Variants in DACH1 observed in about 807,000 individuals in gnomAD.
The protein encoded by DACH1 is dachshund homolog 1.
In DACH1, 12 loss-of-function variants were observed where a neutral mutation model predicts 54.2. The observed-to-expected ratio is 0.22, with a 90% CI of 0.14 to 0.36. The LOEUF (loss-of-function observed/expected upper bound fraction) is 0.36, where lower values mean the gene tolerates loss of function less well. Ranked by LOEUF, DACH1 falls within the 10% of genes least tolerant of loss-of-function variation. The probability of loss-of-function intolerance (pLI) is 1.00; values close to 1 mark genes in which losing one functional copy is unlikely to be tolerated. For missense variants in DACH1, 805 were observed against 929.8 expected (o/e 0.87, Z 1.75); for synonymous variants, 386 against 366.2 (o/e 1.05, Z -0.62).
chr13:71,598,933 TTTTG>T (rs1874302904), intron 3 of DACH1, among the ~76,000 whole-genome samples: 1 of 152,154 alleles, frequency 6.6e-6, no homozygotes, highest in Non-Finnish European at 1.5e-5. Flanking sequence ...TATTTTTATA[TTTTG>T]TTTATTCTCA....
At chr13:71,493,159 C>T (rs1410729258) in intron 6 of DACH1, among the ~76,000 whole-genome samples, 1 of 151,822 alleles carries the variant, frequency 6.6e-6, no homozygotes, top group African/African-American at 2.4e-5. Flanking sequence ...ATACAACAAA[C>T]ATGAGATGTC....
At chr13:71,704,725 A>G (rs78647593) in intron 1 of DACH1, 6,075 of 170,614 alleles carry the variant, frequency 0.036, 384 homozygotes, top group African/African-American at 0.14. Context: ...GAGTAGAAGT[A>G]TGGCGTCCCC....
chr13:71,506,059 T>C (rs1880293341), intron 6 of DACH1, among the ~76,000 whole-genome samples: 1 of 152,058 alleles, frequency 6.6e-6, no homozygotes, highest in Admixed American at 6.6e-5. Flanking sequence ...AAAATTTAAA[T>C]AAATACAACT....
chr13:71,727,343 ACTTT>A (rs1883517936), intron 1 of DACH1, among the ~76,000 whole-genome samples: 1 of 151,820 alleles, frequency 6.6e-6, no homozygotes, highest in Non-Finnish European at 1.5e-5. Context: ...ATTCACACAA[ACTTT>A]CTTCCAAATG....
At chr13:71,809,527 G>A (rs937959392) in intron 1 of DACH1, among the ~76,000 whole-genome samples, 5 of 152,096 alleles carry the variant, frequency 3.3e-5, no homozygotes, top group African/African-American at 7.2e-5. Context: ...TGAAAATGGT[G>A]CCACAAATTA....
chr13:71,815,465 C>T (rs941423973), intron 1 of DACH1, among the ~76,000 whole-genome samples: 6 of 152,024 alleles, frequency 3.9e-5, no homozygotes, highest in African/African-American at 1.2e-4. Flanking sequence ...TGAAATAACA[C>T]ATTTTCAAAC....
intron 3 of DACH1, among the ~76,000 whole-genome samples, chr13:71,599,534 T>C (rs528205127): frequency 5.3e-5 from 8 of 152,230 alleles, no homozygotes; most frequent in Middle Eastern, 3.4e-3. Context: ...CAAAGCTATA[T>C]TGTCCACTTC....
At chr13:71,715,940 A>C (rs1401340002) in intron 1 of DACH1, among the ~76,000 whole-genome samples, 2 of 152,060 alleles carry the variant, frequency 1.3e-5, no homozygotes, top group Non-Finnish European at 2.9e-5. Context: ...TGAGTTTGAA[A>C]TCTATCTTTC....
intron 3 of DACH1, among the ~76,000 whole-genome samples, chr13:71,574,338 C>T (rs1885403860): frequency 6.6e-6 from 1 of 152,046 alleles, no homozygotes; most frequent in South Asian, 2.1e-4. Context: ...TTAACTGAAT[C>T]TGTTGAAAAT....
chr13:71,571,730 CTT>C (rs756352766), intron 4 of DACH1, among the ~76,000 whole-genome samples: 6 of 134,950 alleles, frequency 4.4e-5, no homozygotes, highest in African/African-American at 1.4e-4. Context: ...GTAACAGGGC[CTT>C]TTTTTTTTTT....
At chr13:71,700,143 G>A (rs993953173) in intron 1 of DACH1, among the ~76,000 whole-genome samples, 7 of 152,206 alleles carry the variant, frequency 4.6e-5, no homozygotes, top group Non-Finnish European at 7.4e-5. Context: ...TTGGACACAC[G>A]TTGGCATCCT....
intron 3 of DACH1, among the ~76,000 whole-genome samples, chr13:71,599,845 A>ACG (rs1262135043): frequency 2.6e-5 from 4 of 151,374 alleles, no homozygotes; most frequent in Admixed American, 6.6e-5. Flanking sequence ...ACACACACAC[A>ACG]CACACACACG....
At chr13:71,860,710 A>G (rs114921668) in intron 1 of DACH1, among the ~76,000 whole-genome samples, 11 of 151,936 alleles carry the variant, frequency 7.2e-5, no homozygotes, top group Non-Finnish European at 1.6e-4. Flanking sequence ...GTTGTTTTCT[A>G]TGTTGCTCAT....
intron 1 of DACH1, among the ~76,000 whole-genome samples, chr13:71,739,386 C>T: frequency 6.6e-6 from 1 of 151,938 alleles, no homozygotes; most frequent in South Asian, 2.1e-4. Flanking sequence ...ATAATGAAAA[C>T]CCCATATAAA....
chr13:71,558,353 GTGTGGA>G (rs1466675285), intron 5 of DACH1, among the ~76,000 whole-genome samples: 1 of 151,928 alleles, frequency 6.6e-6, no homozygotes, highest in Non-Finnish European at 1.5e-5. Context: ...ATATGTATGT[GTGTGGA>G]TGTGGATGTA....
intron 2 of DACH1, among the ~76,000 whole-genome samples, chr13:71,668,554 T>C (rs1880007948): frequency 6.6e-6 from 1 of 151,840 alleles, no homozygotes; most frequent in Non-Finnish European, 1.5e-5. Context: ...ATCAATGACA[T>C]AAGAGAACTG....
intron 1 of DACH1, among the ~76,000 whole-genome samples, chr13:71,743,314 C>T (rs1884480720): frequency 6.6e-6 from 1 of 151,958 alleles, no homozygotes; most frequent in African/African-American, 2.4e-5. Flanking sequence ...CAGAAGACCC[C>T]AATAAAGTTG....
At position 71,460,167 on chromosome 13, in the gene DACH1, T is replaced by C. The variant is rs80182286; in HGVS notation, c.2083+14974A>G. Among the ~76,000 whole-genome samples the C allele has an allele frequency of 5.8e-3, 879 of 152,174 alleles. 10 individuals carry two copies. The highest frequency in any genetic ancestry group is 0.02 in the African/African-American group (829 of 41,556). Reference sequence around the variant, plus strand: ...ACCTACCAAACTAAATATTTACACATTAGTTTAGAAAATCAGTTATTATAT... The same window carrying C: ...ACCTACCAAACTAAATATTTACACACTAGTTTAGAAAATCAGTTATTATAT... On this transcript the variant is annotated intron_variant, in intron 10 of 10. Transcript: ENST00000613252.
chr13:71,656,521 T>C (rs958388193), intron 2 of DACH1, among the ~76,000 whole-genome samples: 75 of 152,168 alleles, frequency 4.9e-4, no homozygotes, highest in East Asian at 3.9e-4. Flanking sequence ...TGATTTATCT[T>C]ACCCAAAATT....
Sources: gnomAD v4.1 joint callset for allele counts (sites outside exome capture counted in the v4.1 genomes callset) on GRCh38, gnomAD v4.1.1 for gene constraint, MANE v1.5 for transcripts, NCBI Gene and HGNC (gene_info 2026-07-23, HGNC 2026-07-21) for gene names.